The following GALNTL5 variants were observed in gnomAD, a reference collection of about 807,000 sequenced individuals.
The protein encoded by GALNTL5 is inactive polypeptide N-acetylgalactosaminyltransferase-like protein 5.
In GALNTL5, 44 loss-of-function variants were observed where a neutral mutation model predicts 51.0. That is an observed-to-expected ratio of 0.86 (90% CI 0.68 to 1.11). The LOEUF is 1.11. GALNTL5 is among the 50% of genes least tolerant of loss of function. The probability of loss-of-function intolerance (pLI) is 0.00; values close to 1 mark genes in which losing one functional copy is unlikely to be tolerated. For missense variants in GALNTL5, 528 were observed against 531.8 expected (o/e 0.99, Z 0.07); for synonymous variants, 192 against 182.8 (o/e 1.05, Z -0.41).
Position 151,966,263 on chromosome 7 carries a change from CTTTCT to C in GALNTL5, c.-39-941_-39-937del, listed in dbSNP as rs1273423166. ...GCATCTAGTTTTCTTTTGTTCTTTT[CTTTCT>C]TTTTTTTTTTTTGTTTGAGACGGAG... On this transcript the variant is annotated intron_variant, in intron 1 of 8. Coordinates refer to ENST00000392800, the MANE Select transcript of GALNTL5 (RefSeq NM_145292.4). Among the ~76,000 whole-genome samples, 18 of 149,284 alleles carry C rather than the reference CTTTCT, an allele frequency of 1.2e-4. No homozygotes were observed. The South Asian group carries it at 3.8e-3, about 32-fold the overall frequency.
intron 6 of GALNTL5, 54 bp from the exon 7 acceptor site, chr7:152,007,773 C>A (rs2081667967): frequency 9.8e-7 from 1 of 1,020,326 alleles, no homozygotes; most frequent in Non-Finnish European, 1.6e-6. Flanking sequence ...TTTGAGGAAA[C>A]TACAGAATGA....
chr7:152,007,567 T>C (rs1364961243), intron 6 of GALNTL5, among the ~76,000 whole-genome samples: 1 of 151,802 alleles, frequency 6.6e-6, no homozygotes, highest in Non-Finnish European at 1.5e-5. Flanking sequence ...TACAGGCGCA[T>C]GCCACCTTGC....
At chr7:151,986,133 A>G (rs1478811324) in intron 4 of GALNTL5, 1 of 152,154 alleles carries the variant, frequency 6.6e-6, no homozygotes, top group East Asian at 1.9e-4. Context: ...ATACCAGAGT[A>G]CTGCCGGGAA....
chr7:152,007,748 C>G, intron 6 of GALNTL5, 79 bp from the exon 7 acceptor site: 4 of 867,534 alleles, frequency 4.6e-6, no homozygotes, highest in Non-Finnish European at 7.8e-6. Flanking sequence ...TAAGTTATTA[C>G]TAATTTAATA....
chr7:152,016,654 A>G (rs1333465320), intron 8 of GALNTL5, among the ~76,000 whole-genome samples: 1 of 152,254 alleles, frequency 6.6e-6, no homozygotes, highest in Non-Finnish European at 1.5e-5. Flanking sequence ...TATTTGTTTT[A>G]GCTAAAACTT....
intron 5 of GALNTL5, among the ~76,000 whole-genome samples, chr7:152,000,285 A>T (rs1333452577): frequency 6.6e-6 from 1 of 152,230 alleles, no homozygotes; most frequent in African/African-American, 2.4e-5. Flanking sequence ...GACAGGCCTC[A>T]GCAGAGAAGC....
chr7:151,980,149 T>G (rs1379071850), intron 3 of GALNTL5, among the ~76,000 whole-genome samples: 2 of 152,168 alleles, frequency 1.3e-5, no homozygotes, highest in African/African-American at 4.8e-5. Context: ...AGTGGCGCCA[T>G]CTTGGCTCAC....
chr7:151,971,838 C>T (rs1217868561), intron 3 of GALNTL5, among the ~76,000 whole-genome samples: 1 of 152,170 alleles, frequency 6.6e-6, no homozygotes. Context: ...CTCTCTCTCT[C>T]TTCTGCCACC....
chr7:151,963,640 C>T (rs142623084), intron 1 of GALNTL5, among the ~76,000 whole-genome samples: 36 of 152,304 alleles, frequency 2.4e-4, no homozygotes, highest in East Asian at 1.2e-3. Flanking sequence ...TCAAGTGATC[C>T]GCCCACCTCG....
chr7:152,002,725 G>A lies in GALNTL5; in HGVS notation c.670G>A (p.Val224Met). Residue 224 changes from valine to methionine, a missense_variant, in exon 6 of 9, where the codon GTG becomes ATG. Transcript: ENST00000392800. Reference protein sequence around the residue: ...GASHASGDVLVFLDSHCEVNR... With the variant: ...GASHASGDVLMFLDSHCEVNR... ...TCTTGCCTCCCCAGGGGATGTTCTG[G>A]TGTTCCTGGACAGCCACTGTGAGGT... is the stretch of plus-strand genomic sequence containing the variant. 1 of 1,614,120 alleles carries A rather than the reference G, an allele frequency of 6.2e-7. No homozygotes were observed. Among genetic ancestry groups the A allele is most frequent in the Non-Finnish European group, 8.5e-7 (1 of 1,179,996 alleles).
At chr7:151,970,835 T>C (rs1023384332) in intron 2 of GALNTL5, 110 bp from the exon 3 acceptor site, 14 of 889,260 alleles carry the variant, frequency 1.6e-5, no homozygotes, top group Non-Finnish European at 2.2e-5. Flanking sequence ...GATTTCCGAA[T>C]TCTATTCTGG....
At chr7:151,995,489 C>G (rs2081488475) in intron 5 of GALNTL5, 1 of 145,556 alleles carries the variant, frequency 6.9e-6, no homozygotes, top group African/African-American at 2.5e-5. Context: ...ATGTGGGGTT[C>G]ATGCAGTTTG....
Position 151,960,419 on chromosome 7 carries a change from A to G in GALNTL5, c.-40+3810A>G, listed in dbSNP as rs2080977180. On this transcript the variant is annotated intron_variant, in intron 1 of 8. Coordinates refer to ENST00000392800, the MANE Select transcript of GALNTL5 (RefSeq NM_145292.4). ...GCCGCCTGGAGGGTGGCTTAGCCCT[A>G]AAATCCCCTTTACAGCCCATTTTCC... is the stretch of plus-strand genomic sequence containing the variant. The G allele has an allele frequency of 2.0e-5, 3 of 152,264 alleles. No individual in the cohort carries two copies. The South Asian group carries it at 6.2e-4, about 31-fold the overall frequency. 9.4% of individuals were successfully genotyped at this position (152,264 alleles called of 1,614,324 possible).
At chr7:151,976,707 C>A (rs768798975) in intron 3 of GALNTL5, among the ~76,000 whole-genome samples, 1 of 152,190 alleles carries the variant, frequency 6.6e-6, no homozygotes, top group Non-Finnish European at 1.5e-5. Flanking sequence ...CTCGCTCTGT[C>A]GCCTGGGCTG....
intron 4 of GALNTL5, among the ~76,000 whole-genome samples, chr7:151,985,248 C>A (rs1027802148): frequency 6.6e-6 from 1 of 152,172 alleles, no homozygotes; most frequent in Non-Finnish European, 1.5e-5. Flanking sequence ...GATCTGTCAA[C>A]GTTCTCATAC....
In GALNTL5 at chr7:151,967,188, C is replaced by T; in HGVS notation, c.-39-20C>T. On this transcript the variant is annotated intron_variant, in intron 1 of 8. Transcript: ENST00000392800. ...CATTGGAATATCTAATGCTGCTCCTCTTAAATCATTCTGATTTAGGAAATT... is the reference window on the plus strand; with the variant it reads ...CATTGGAATATCTAATGCTGCTCCTTTTAAATCATTCTGATTTAGGAAATT... 6.6e-7 allele frequency: 1 copy of T among 1,514,360 alleles called. No individual in the cohort carries two copies. Among genetic ancestry groups the T allele is most frequent in the Non-Finnish European group, 9.0e-7 (1 of 1,107,852 alleles). The allele number at this position is 1,514,360 out of a possible 1,614,324, so 93.8% of individuals were successfully genotyped here.
At chr7:151,962,014 T>TC (rs1362425807) in intron 1 of GALNTL5, among the ~76,000 whole-genome samples, 12 of 150,386 alleles carry the variant, frequency 8.0e-5, no homozygotes, top group Admixed American at 7.9e-4. Context: ...CTTTTTTTTT[T>TC]TTTTTTAATG....
chr7:151,998,865 A>G (rs969702200), intron 5 of GALNTL5, among the ~76,000 whole-genome samples: 2 of 152,072 alleles, frequency 1.3e-5, no homozygotes, highest in South Asian at 4.1e-4. Flanking sequence ...ATTCAACCTC[A>G]CCAGCGATTA....
rs73730330 is a variant in GALNTL5 at position 152,008,990 on chromosome 7, C to T, written c.1026+1046C>T. Among the ~76,000 whole-genome samples, 1,515 of 152,208 alleles carry T rather than the reference C, an allele frequency of 1.0e-2. 27 individuals are homozygous for T. The highest frequency in any genetic ancestry group is 0.035 in the African/African-American group (1,459 of 41,530). On this transcript the variant is annotated intron_variant, in intron 7 of 8. Transcript: ENST00000392800. ...TATTCCTTTTTCTGGCCCTACATTC[C>T]CTATAGATAGCAAATGACAACTAAT...
Sources: allele counts gnomAD v4.1 joint callset (sites outside exome capture counted in the v4.1 genomes callset), GRCh38; gene constraint gnomAD v4.1.1; transcripts MANE v1.5; gene names NCBI Gene and HGNC (gene_info 2026-07-23, HGNC 2026-07-21).